The following FLT1 variants were observed in gnomAD, a reference collection of about 807,000 sequenced individuals.
The protein encoded by FLT1 is fms related receptor tyrosine kinase 1, also known as vascular endothelial growth factor receptor 1.
FLT1 carries 49 observed loss-of-function variants against 156.3 expected under a neutral mutation model. That is an observed-to-expected ratio of 0.31 (90% confidence interval 0.25 to 0.40). FLT1 has a LOEUF of 0.40. Ranked by LOEUF, FLT1 falls within the 10% of genes least tolerant of loss-of-function variation. The pLI is 1.00. For synonymous variants in FLT1, 594 were observed against 583.8 expected (o/e 1.02, Z -0.25); for missense variants, 1,322 against 1,637.2 (o/e 0.81, Z 3.32).
intron 29 of FLT1, among the ~76,000 whole-genome samples, chr13:28,305,485 G>A (rs1870705501): frequency 1.3e-5 from 2 of 152,158 alleles, no homozygotes; most frequent in African/African-American, 2.4e-5. Flanking sequence ...TGAGACTACT[G>A]CATGAGCCAC....
chr13:28,322,515 A>AT lies in FLT1; in HGVS notation c.2954-157dup, dbSNP rs1318571793. On this transcript the variant is annotated intron_variant, in intron 21 of 29. Transcript: ENST00000282397. The surrounding 1 kb of genome is among the most constrained non-coding windows in gnomAD (Gnocchi z 4.3). Reference sequence around the variant, plus strand: ...TTGAGTTTCAACATGAACACCAGAGATTTTTCCAGGCCTCCAGCCCACTTT... The same window carrying AT: ...TTGAGTTTCAACATGAACACCAGAGATTTTTTCCAGGCCTCCAGCCCACTTT... The AT allele has an allele frequency of 1.4e-6, 1 of 728,722 alleles. No homozygotes were observed. The highest frequency in any genetic ancestry group is 2.4e-6 in the Non-Finnish European group (1 of 408,898). 45.1% of individuals were successfully genotyped at this position (728,722 alleles called of 1,614,324 possible).
intron 1 of FLT1, among the ~76,000 whole-genome samples, chr13:28,484,141 C>G (rs542003419): frequency 4.6e-5 from 7 of 152,298 alleles, no homozygotes; most frequent in African/African-American, 1.7e-4. Context: ...TTTTCCCTTC[C>G]CTGGGGGACA....
At chr13:28,320,682 TGCAAA>T in intron 23 of FLT1, among the ~76,000 whole-genome samples, 1 of 152,004 alleles carries the variant, frequency 6.6e-6, no homozygotes. Flanking sequence ...TGGTTAGAAA[TGCAAA>T]TTCTCAGGCT....
At chr13:28,317,647 C>T in intron 24 of FLT1, 50 bp from the exon 25 acceptor site, 1 of 1,160,960 alleles carries the variant, frequency 8.6e-7, no homozygotes, top group Non-Finnish European at 1.3e-6. Context: ...CTTAAGGGTA[C>T]AAAAGACCAA....
At chr13:28,330,845 C>T (rs1871905183) in intron 18 of FLT1, among the ~76,000 whole-genome samples, 1 of 151,954 alleles carries the variant, frequency 6.6e-6, no homozygotes, top group Non-Finnish European at 1.5e-5. Context: ...TCCCGAGTAG[C>T]TGGGATTACA....
At chr13:28,331,051 G>A (rs2030763698) in intron 18 of FLT1, among the ~76,000 whole-genome samples, 1 of 152,146 alleles carries the variant, frequency 6.6e-6, no homozygotes, top group South Asian at 2.1e-4. Flanking sequence ...GATTAATGGT[G>A]TCCCTGACAT....
chr13:28,413,457 C>A (rs537115510), intron 10 of FLT1, among the ~76,000 whole-genome samples: 1 of 151,734 alleles, frequency 6.6e-6, no homozygotes, highest in South Asian at 2.1e-4. Context: ...CCTCGTGGCC[C>A]CGCACTGGGG....
chr13:28,428,034 C>A, intron 8 of FLT1, 113 bp from the exon 9 acceptor site: 1 of 880,510 alleles, frequency 1.1e-6, no homozygotes, highest in South Asian at 1.4e-5. Flanking sequence ...AACCTTTGAT[C>A]ATCAGTGTTG....
intron 11 of FLT1, among the ~76,000 whole-genome samples, chr13:28,397,281 A>G (rs984790531): frequency 1.3e-5 from 2 of 152,214 alleles, no homozygotes; most frequent in Middle Eastern, 3.2e-3. Flanking sequence ...ACCGGGGCCT[A>G]TGACATCCGA....
chr13:28,386,562 G>C, intron 13 of FLT1: 1 of 1,054,938 alleles, frequency 9.5e-7, no homozygotes, highest in South Asian at 4.6e-5. Flanking sequence ...CTTTGAGCAT[G>C]TCTTTCCTAT....
At chr13:28,329,225 C>A (rs926222618) in intron 19 of FLT1, among the ~76,000 whole-genome samples, 4 of 152,216 alleles carry the variant, frequency 2.6e-5, no homozygotes, top group African/African-American at 7.2e-5. Context: ...GCCCCCACAT[C>A]ACCTCCTCCT....
intron 10 of FLT1, among the ~76,000 whole-genome samples, chr13:28,424,185 T>C (rs1877186757): frequency 6.6e-6 from 1 of 152,014 alleles, no homozygotes; most frequent in Non-Finnish European, 1.5e-5. Flanking sequence ...GTGATCCTCC[T>C]GCCTTGGCCT....
At position 28,364,053 on chromosome 13, in the gene FLT1, T is replaced by C. The variant is rs117450828; in HGVS notation, c.2117-6368A>G. Among the ~76,000 whole-genome samples the C allele has an allele frequency of 4.7e-3, 717 of 152,358 alleles. 13 individuals are homozygous for C. The highest frequency in any genetic ancestry group is 0.033 in the Admixed American group (512 of 15,302). ...TTGTGTGAACTGCCTGTTTCTATCC[T>C]TTGCCCATTTTTCTGTTGTCCTATT... On this transcript the variant is annotated intron_variant, in intron 14 of 29. Coordinates refer to ENST00000282397, the MANE Select transcript of FLT1 (RefSeq NM_002019.4).
At chr13:28,484,767 CG>C (rs1348503330) in intron 1 of FLT1, among the ~76,000 whole-genome samples, 1 of 151,824 alleles carries the variant, frequency 6.6e-6, no homozygotes, top group Non-Finnish European at 1.5e-5. Context: ...CCCTAAATGT[CG>C]GGTTTGCAAG....
At position 28,389,403 on chromosome 13, in the gene FLT1, T is replaced by C. The variant is rs1371503352; in HGVS notation, c.1969+393A>G. 3 of 1,269,200 alleles carry C rather than the reference T, an allele frequency of 2.4e-6. No individual in the cohort carries two copies. In the African/African-American group the frequency reaches 4.6e-5, roughly 19 times the overall value. 78.6% of individuals were successfully genotyped at this position (1,269,200 alleles called of 1,614,324 possible). On this transcript the variant is annotated intron_variant, in intron 13 of 29. Coordinates refer to ENST00000282397, the MANE Select transcript of FLT1 (RefSeq NM_002019.4). ...AAATAAAAAGAGGTTGGCATCAAAA[T>C]GGAAGGAAAGGATCATCCCAAGTTG...
intron 14 of FLT1, among the ~76,000 whole-genome samples, chr13:28,365,020 A>G (rs1021564229): frequency 6.6e-6 from 1 of 152,168 alleles, no homozygotes; most frequent in Admixed American, 6.5e-5. Flanking sequence ...TTCATATTAT[A>G]TTATAATTTG....
chr13:28,409,791 G>A (rs1876034955), intron 10 of FLT1, among the ~76,000 whole-genome samples: 1 of 151,546 alleles, frequency 6.6e-6, no homozygotes, highest in Admixed American at 6.6e-5. Context: ...GTACTTCTTG[G>A]ACATAGTAAG....
intron 14 of FLT1, among the ~76,000 whole-genome samples, chr13:28,374,168 A>T (rs1342668447): frequency 6.6e-6 from 1 of 152,218 alleles, no homozygotes; most frequent in Admixed American, 6.5e-5. Context: ...TAAAATGGTT[A>T]AAATGATAAA....
Position 28,466,964 on chromosome 13 carries a change from A to G in FLT1, c.327T>C (p.Tyr109=), listed in dbSNP as rs148523280. The G allele has an allele frequency of 2.3e-4, 369 of 1,614,192 alleles. 1 individual carries two copies. Among genetic ancestry groups the G allele is most frequent in the Admixed American group, 3.3e-4 (20 of 60,026 alleles). The change falls in exon 3 of 30, where the codon TAT becomes TAC. Residue 109 remains tyrosine (Y), a synonymous_variant. Transcript: ENST00000282397. ...TCTTCTTTGAAGTAGGTACAGCTAG[A>G]TATTTGCAGCTGTAGAAGCCAGTGT... ...ANHTGFYSCK[Y]LAVPTSKKKE... is the part of the protein sequence containing the mutation.
Sources: gnomAD v4.1 joint callset for allele counts (sites outside exome capture counted in the v4.1 genomes callset) on GRCh38, gnomAD v4.1.1 for gene constraint, Gnocchi (gnomAD v3.1) non-coding constraint, MANE v1.5 for transcripts, NCBI Gene and HGNC (gene_info 2026-07-23, HGNC 2026-07-21) for gene names.